Variants in ZEB1 observed in about 807,000 individuals in gnomAD.
The protein encoded by ZEB1 is zinc finger E-box binding homeobox 1.
Under a neutral mutation model 84.9 loss-of-function variants are expected in ZEB1, and 21 were observed. That is an observed-to-expected ratio of 0.25 (90% CI 0.18 to 0.36). The LOEUF (loss-of-function observed/expected upper bound fraction) is 0.36, where lower values mean the gene tolerates loss of function less well. ZEB1 is among the 10% of genes least tolerant of loss of function. ZEB1 has a pLI of 1.00. For missense variants in ZEB1, 1,104 were observed against 1,330.2 expected, an observed-to-expected ratio of 0.83 and a Z score of 2.65; for synonymous variants, 420 against 471.1, an observed-to-expected ratio of 0.89 and a Z score of 1.41.
At chr10:31,394,644 T>A (rs2050365049) in intron 1 of ZEB1, among the ~76,000 whole-genome samples, 1 of 152,238 alleles carries the variant, frequency 6.6e-6, no homozygotes, top group African/African-American at 2.4e-5. Flanking sequence ...GCATACAATG[T>A]GTATTCACTT....
intron 1 of ZEB1, 90 bp downstream of exon 1, chr10:31,319,382 G>C: frequency 7.7e-7 from 1 of 1,297,366 alleles, no homozygotes; most frequent in Non-Finnish European, 1.1e-6. Flanking sequence ...GAGCCGGGCT[G>C]GGGGCAGCCG....
At chr10:31,453,134 G>A (rs1403334921) in intron 1 of ZEB1, among the ~76,000 whole-genome samples, 1 of 152,060 alleles carries the variant, frequency 6.6e-6, no homozygotes, top group Non-Finnish European at 1.5e-5. Context: ...GGGCTTGATG[G>A]CAATGAGTGG....
In ZEB1 at chr10:31,332,856, T is replaced by C. The variant is rs529441731; in HGVS notation, c.58+13564T>C. On this transcript the variant is annotated intron_variant, in intron 1 of 8. Coordinates refer to ENST00000424869, the MANE Select transcript of ZEB1 (RefSeq NM_001174096.2). ...ATCTACTTTGTATATTCAGGGACTTTTGTGTTCTATGTTATTATATAGCGT... is the reference window on the plus strand; with the variant it reads ...ATCTACTTTGTATATTCAGGGACTTCTGTGTTCTATGTTATTATATAGCGT... Among the ~76,000 whole-genome samples, 280 of 152,334 alleles carry C rather than the reference T, an allele frequency of 1.8e-3. 3 individuals carry two copies. Among genetic ancestry groups the C allele is most frequent in the African/African-American group, 6.4e-3 (267 of 41,582 alleles).
chr10:31,386,247 C>G (rs942846845), intron 1 of ZEB1, among the ~76,000 whole-genome samples: 1 of 151,682 alleles, frequency 6.6e-6, no homozygotes, highest in African/African-American at 2.4e-5. Flanking sequence ...TTAAAGCATT[C>G]CATTCCTTTC....
chr10:31,319,695 C>G (rs1254283515), intron 1 of ZEB1: 1 of 180,282 alleles, frequency 5.5e-6, no homozygotes, highest in African/African-American at 2.4e-5. Context: ...TTGTGCCCTT[C>G]GGCGCCTCCC....
chr10:31,452,701 ATGTGTGTGTGTGTGTGTGTGTG>A (rs377004895), intron 1 of ZEB1, among the ~76,000 whole-genome samples: 1 of 90,250 alleles, frequency 1.1e-5, no homozygotes, highest in Non-Finnish European at 2.4e-5. Flanking sequence ...TTAGGATAAA[ATGTGTGTGTGTGTGTGTGTGTG>A]TGTGTGTGTG....
At chr10:31,481,713 G>A (rs773083379) in intron 2 of ZEB1, among the ~76,000 whole-genome samples, 10 of 151,892 alleles carry the variant, frequency 6.6e-5, no homozygotes, top group Non-Finnish European at 1.5e-4. Flanking sequence ...AAACACAGGA[G>A]CCAACTTGAA....
chr10:31,509,106 G>A (rs1459404726), intron 4 of ZEB1, among the ~76,000 whole-genome samples: 1 of 152,166 alleles, frequency 6.6e-6, no homozygotes, highest in South Asian at 2.1e-4. Context: ...GGGAAGGGAG[G>A]TATGTCAGTG....
chr10:31,473,554 A>G (rs2063596493), intron 2 of ZEB1, among the ~76,000 whole-genome samples: 1 of 151,330 alleles, frequency 6.6e-6, no homozygotes, highest in Non-Finnish European at 1.5e-5. Flanking sequence ...TCAAGGAAAT[A>G]AAAGAGGATA....
At chr10:31,503,191 TC>T (rs1361233963) in intron 4 of ZEB1, among the ~76,000 whole-genome samples, 3 of 152,100 alleles carry the variant, frequency 2.0e-5, no homozygotes, top group Non-Finnish European at 4.4e-5. Flanking sequence ...AAAGAAATGA[TC>T]CATTATGTAG....
chr10:31,438,296 A>G (rs1234362715), intron 1 of ZEB1, among the ~76,000 whole-genome samples: 3 of 152,230 alleles, frequency 2.0e-5, no homozygotes, highest in Non-Finnish European at 4.4e-5. Context: ...AATGTTTTTC[A>G]TACTTTAAAT....
rs932688490 is a variant in ZEB1 at position 31,528,008 on chromosome 10, C to T, written c.*744C>T. On this transcript the variant is annotated 3_prime_UTR_variant, in exon 9 of 9. Transcript: ENST00000424869. ...ATTGAGTTCTGATTGCAGGGACTAA[C>T]AATGTTAATCTGATAAGGACAGCAA... is the stretch of plus-strand genomic sequence containing the variant. 1 of 152,166 alleles carries T rather than the reference C, an allele frequency of 6.6e-6. No individual in the cohort carries two copies. Among genetic ancestry groups the T allele is most frequent in the African/African-American group, 2.4e-5 (1 of 41,420 alleles). 9.4% of individuals were successfully genotyped at this position (152,166 alleles called of 1,614,324 possible). A position where few individuals can be genotyped will look rare whatever the true frequency, so the allele number is the denominator to read the frequency against.
rs557066169 is a variant in ZEB1 at position 31,404,168 on chromosome 10, A to G, written c.59-56869A>G. On this transcript the variant is annotated intron_variant, in intron 1 of 8. Transcript: ENST00000424869. ...CAACAAATTTATGACTGAAGATTAT[A>G]TATCAGTATAATCCTTGCTTCTCTG... Among the ~76,000 whole-genome samples, 3 of 152,230 alleles carry G rather than the reference A, an allele frequency of 2.0e-5. No individual in the cohort carries two copies. The East Asian group carries it at 5.8e-4, about 29-fold the overall frequency.
intron 1 of ZEB1, among the ~76,000 whole-genome samples, chr10:31,337,928 C>T (rs2133467575): frequency 6.6e-6 from 1 of 152,286 alleles, no homozygotes; most frequent in Middle Eastern, 3.4e-3. Context: ...CATGATCCAC[C>T]TGCCTTGGCC....
chr10:31,463,532 G>A (rs1158300785), intron 2 of ZEB1, among the ~76,000 whole-genome samples: 1 of 152,166 alleles, frequency 6.6e-6, no homozygotes, highest in African/African-American at 2.4e-5. Context: ...GACCACCAAA[G>A]ATAGTTTAAT....
chr10:31,480,774 T>TATAG (rs2064943267), intron 2 of ZEB1, among the ~76,000 whole-genome samples: 1 of 152,106 alleles, frequency 6.6e-6, no homozygotes, highest in Admixed American at 6.6e-5. Context: ...ATACAGTGTG[T>TATAG]ATAGGTCTTT....
intron 1 of ZEB1, among the ~76,000 whole-genome samples, chr10:31,430,410 C>G (rs1259911165): frequency 6.6e-6 from 1 of 152,146 alleles, no homozygotes; most frequent in Admixed American, 6.5e-5. Flanking sequence ...ATACAAGAAA[C>G]TGCTTCCTTT....
At chr10:31,325,654 C>T (rs994083122) in intron 1 of ZEB1, among the ~76,000 whole-genome samples, 2 of 151,938 alleles carry the variant, frequency 1.3e-5, no homozygotes, top group African/African-American at 4.8e-5. Flanking sequence ...CCCTCCCTCT[C>T]CCTTCCCCTC....
At chr10:31,395,706 C>T (rs941131600) in intron 1 of ZEB1, among the ~76,000 whole-genome samples, 10 of 152,100 alleles carry the variant, frequency 6.6e-5, no homozygotes, top group Admixed American at 2.0e-4. Flanking sequence ...AAAAGAGTGA[C>T]GTAGGAGCTG....
Sources: gnomAD v4.1 joint callset for allele counts (sites outside exome capture counted in the v4.1 genomes callset) on GRCh38, gnomAD v4.1.1 for gene constraint, MANE v1.5 for transcripts, NCBI Gene and HGNC (gene_info 2026-07-23, HGNC 2026-07-21) for gene names.